STPG2: variants seen among roughly 807,000 people sequenced by gnomAD.
STPG2 encodes the protein sperm-tail PG-rich repeat-containing protein 2.
STPG2 carries 56 observed loss-of-function variants against 54.2 expected under a neutral mutation model. The ratio of observed to expected loss-of-function variants is 1.03; its 90% CI spans 0.83 to 1.29. The LOEUF is 1.29. Among genes scored for constraint, STPG2 ranks in the 50% most tolerant of loss-of-function variants. The pLI is 0.00. For synonymous variants in STPG2, 200 were observed against 181.8 expected, an observed-to-expected ratio of 1.10 and a Z score of -0.81; for missense variants, 596 against 544.9, an observed-to-expected ratio of 1.09 and a Z score of -0.93.
chr4:97,561,330 G>A (rs1732234943), intron 10 of STPG2, among the ~76,000 whole-genome samples: 1 of 152,060 alleles, frequency 6.6e-6, no homozygotes, highest in South Asian at 2.1e-4. Context: ...TGAGTTCATT[G>A]TAGATTCTGG....
At position 97,966,955 on chromosome 4, in the gene STPG2, T is replaced by A. The variant is rs548818957; in HGVS notation, c.933+5325A>T. ...GCTAGGAAGAAACAGCATCAACTAA[T>A]GGGCAAAATAACCAGCTAACATCAT... is the stretch of plus-strand genomic sequence containing the variant. On this transcript the variant is annotated intron_variant, in intron 7 of 10. Transcript: ENST00000295268. Among the ~76,000 whole-genome samples, 10 of 152,232 alleles carry A rather than the reference T, an allele frequency of 6.6e-5. No individual in the cohort carries two copies. In the East Asian group the frequency reaches 1.7e-3, roughly 26 times the overall value.
chr4:97,910,635 C>A (rs1483597574), intron 8 of STPG2, among the ~76,000 whole-genome samples: 1 of 152,088 alleles, frequency 6.6e-6, no homozygotes, highest in Non-Finnish European at 1.5e-5. Flanking sequence ...ACTGTAATTT[C>A]ATAACACGAT....
intron 10 of STPG2, among the ~76,000 whole-genome samples, chr4:97,639,242 AG>A (rs1263543573): frequency 2.0e-5 from 3 of 152,024 alleles, no homozygotes; most frequent in African/African-American, 7.2e-5. Context: ...AACTATCGCA[AG>A]AACAAAACCC....
At chr4:97,448,169 A>C (rs1729274852) in intron 4 of STPG2, among the ~76,000 whole-genome samples, 1 of 152,046 alleles carries the variant, frequency 6.6e-6, no homozygotes, top group African/African-American at 2.4e-5. Context: ...GCTTGTCCCC[A>C]TATTGTATCT....
At chr4:97,690,134 C>G (rs895692111) in intron 10 of STPG2, among the ~76,000 whole-genome samples, 2 of 152,058 alleles carry the variant, frequency 1.3e-5, no homozygotes, top group African/African-American at 4.8e-5. Context: ...ATTAAAGATA[C>G]AAAAGTAGCA....
chr4:98,124,996 A>G (rs573795181), intron 3 of STPG2, among the ~76,000 whole-genome samples: 1 of 152,248 alleles, frequency 6.6e-6, no homozygotes, highest in Admixed American at 6.5e-5. Context: ...TGCACTGTGA[A>G]GTTTTCATGT....
chr4:97,888,634 G>C (rs185389582), intron 8 of STPG2, among the ~76,000 whole-genome samples: 2 of 152,150 alleles, frequency 1.3e-5, no homozygotes, highest in Non-Finnish European at 2.9e-5. Context: ...TCTCATATAA[G>C]ACTTTGGACT....
chr4:97,950,449 A>AT (rs1383573829), intron 7 of STPG2, among the ~76,000 whole-genome samples: 1 of 151,874 alleles, frequency 6.6e-6, no homozygotes, highest in African/African-American at 2.4e-5. Flanking sequence ...AGAAGTTCTG[A>AT]TTTTTTTCTC....
chr4:97,950,841 C>T (rs904127805), intron 7 of STPG2, among the ~76,000 whole-genome samples: 2 of 152,128 alleles, frequency 1.3e-5, no homozygotes, highest in African/African-American at 4.8e-5. Flanking sequence ...ACTAGATTGC[C>T]TTTGTAGGAC....
At chr4:97,687,378 C>T (rs930846045) in intron 10 of STPG2, among the ~76,000 whole-genome samples, 2 of 151,330 alleles carry the variant, frequency 1.3e-5, no homozygotes, top group Non-Finnish European at 2.9e-5. Flanking sequence ...GGCTGGAGTG[C>T]AGTAGTGCAA....
At chr4:97,838,536 A>C (rs1182501355) in intron 9 of STPG2, among the ~76,000 whole-genome samples, 3 of 151,324 alleles carry the variant, frequency 2.0e-5, no homozygotes, top group Admixed American at 1.3e-4. Context: ...ATCAAAAAAA[A>C]CGTAAAACTC....
intron 9 of STPG2, among the ~76,000 whole-genome samples, chr4:97,773,753 G>T (rs1726288346): frequency 6.6e-6 from 1 of 152,128 alleles, no homozygotes; most frequent in Admixed American, 6.6e-5. Context: ...ATTAAGCATT[G>T]CAAGGTGATG....
intron 10 of STPG2, among the ~76,000 whole-genome samples, chr4:97,668,665 AAGGGAGGG>A (rs139501472): frequency 1.4e-5 from 2 of 147,714 alleles, no homozygotes; most frequent in Non-Finnish European, 3.0e-5. Flanking sequence ...GGAAGGAAAG[AAGGGAGGG>A]AGGGAGGGAG....
At chr4:97,659,189 T>C (rs1427977453) in intron 10 of STPG2, among the ~76,000 whole-genome samples, 1 of 152,206 alleles carries the variant, frequency 6.6e-6, no homozygotes, top group Non-Finnish European at 1.5e-5. Flanking sequence ...TCCATATCTT[T>C]ATTTGGGTGA....
rs111869091 is a variant in STPG2 at position 97,560,611 on chromosome 4, C to T, written c.1321-1494G>A. Among the ~76,000 whole-genome samples the T allele has an allele frequency of 5.4e-3, 820 of 152,242 alleles. 6 individuals are homozygous for T. Among genetic ancestry groups the T allele is most frequent in the Middle Eastern group, 0.02 (6 of 294 alleles). ...AGCCATAGATCTAAATTCTCCTTTT[C>T]TCCATTTACCAGAGAAGAGAGAAGT... On this transcript the variant is annotated intron_variant, in intron 10 of 10. Coordinates refer to ENST00000295268, the MANE Select transcript of STPG2 (RefSeq NM_174952.3).
At chr4:97,775,544 A>G (rs541903084) in intron 9 of STPG2, among the ~76,000 whole-genome samples, 1 of 152,334 alleles carries the variant, frequency 6.6e-6, no homozygotes, top group Non-Finnish European at 1.5e-5. Flanking sequence ...AGAGAGATAC[A>G]ATCTCTGCCT....
At chr4:98,047,771 G>A (rs544989707) in intron 5 of STPG2, among the ~76,000 whole-genome samples, 2 of 126,626 alleles carry the variant, frequency 1.6e-5, no homozygotes, top group Middle Eastern at 4.3e-3. Context: ...AATAACCAAA[G>A]GAAACTTCTG....
chr4:98,065,999 T>C (rs1183589911), intron 5 of STPG2, among the ~76,000 whole-genome samples: 3 of 151,936 alleles, frequency 2.0e-5, no homozygotes, highest in Non-Finnish European at 2.9e-5. Context: ...CATCATTAAA[T>C]TTAATAATTT....
intron 9 of STPG2, among the ~76,000 whole-genome samples, chr4:97,748,017 G>A (rs1039739722): frequency 6.6e-6 from 1 of 151,348 alleles, no homozygotes; most frequent in African/African-American, 2.4e-5. Context: ...AGAGTTACAC[G>A]AATTAAGTCC....
Sources: allele counts gnomAD v4.1 joint callset (sites outside exome capture counted in the v4.1 genomes callset), GRCh38; gene constraint gnomAD v4.1.1; transcripts MANE v1.5; gene names NCBI Gene and HGNC (gene_info 2026-07-23, HGNC 2026-07-21).